SRGAP2: variants seen among roughly 807,000 people sequenced by gnomAD.
The protein encoded by SRGAP2 is SLIT-ROBO Rho GTPase activating protein 2, also known as SLIT-ROBO Rho GTPase-activating protein 2.
A neutral mutation model predicts 57.2 loss-of-function variants in SRGAP2; 15 were observed. That is an observed-to-expected ratio of 0.26 (90% CI 0.18 to 0.40). The LOEUF (loss-of-function observed/expected upper bound fraction) is 0.40. Ranked by LOEUF, SRGAP2 falls within the 10% of genes least tolerant of loss-of-function variation. SRGAP2 has a pLI of 1.00. For synonymous variants in SRGAP2, 249 were observed against 248.0 expected (o/e 1.00, Z -0.04); for missense variants, 520 against 669.6 (o/e 0.78, Z 2.47).
At chr1:206,237,798 A>T (rs1667996847) in intron 2 of SRGAP2, among the ~76,000 whole-genome samples, 1 of 128,940 alleles carries the variant, frequency 7.8e-6, no homozygotes, top group East Asian at 2.2e-4. Context: ...TATGCAACTC[A>T]GCCAGTTTAT....
At chr1:206,431,787 T>C (rs970000205) in intron 14 of SRGAP2, among the ~76,000 whole-genome samples, 3 of 152,344 alleles carry the variant, frequency 2.0e-5, no homozygotes, top group South Asian at 4.1e-4. Context: ...GAACACTGTT[T>C]GAAGCTGGTT....
At position 206,458,436 on chromosome 1, in the gene SRGAP2, G is replaced by C. The variant is rs782032635; in HGVS notation, c.2508-187G>C. The stretch of plus-strand genomic sequence containing the variant: ...TAAGTATCCATTTCTCCTTCACCCA[G>C]CTTGGGGGTGGCAAGGGAATGAAGA... On this transcript the variant is annotated intron_variant, in intron 21 of 22. Coordinates refer to ENST00000573034, the MANE Select transcript of SRGAP2 (RefSeq NM_015326.5). 1.3e-5 allele frequency: 9 copies of C among 714,322 alleles called. No homozygotes were observed. The Admixed American group carries it at 1.6e-4, about 13-fold the overall frequency. 44.2% of individuals were successfully genotyped at this position (714,322 alleles called of 1,614,324 possible).
At chr1:206,460,118 A>G (rs1553379936) in intron 22 of SRGAP2, among the ~76,000 whole-genome samples, 1 of 152,264 alleles carries the variant, frequency 6.6e-6, no homozygotes, top group Non-Finnish European at 1.5e-5. Flanking sequence ...GGTCTGTACG[A>G]CAAAGAAACC....
intron 14 of SRGAP2, among the ~76,000 whole-genome samples, chr1:206,432,677 A>G (rs1045870204): frequency 6.6e-6 from 1 of 152,224 alleles, no homozygotes; most frequent in Admixed American, 6.5e-5. Flanking sequence ...AAGAGTCTAT[A>G]TCATGTAGAA....
rs1205601629 is a variant in SRGAP2, at chr1:206,229,797, A to C, written c.67+23760A>C. Among the ~76,000 whole-genome samples, 9 of 151,760 alleles carry C rather than the reference A, an allele frequency of 5.9e-5. No homozygotes were observed. In the South Asian group the frequency reaches 1.5e-3, roughly 25 times the overall value. On this transcript the variant is annotated intron_variant, in intron 2 of 22. Coordinates refer to ENST00000573034, the MANE Select transcript of SRGAP2 (RefSeq NM_015326.5). ...AGTTTTGTTACCTCATTTATTCTCT[A>C]GGGGCAGGAATTAAGGTCTTGATGG...
intron 2 of SRGAP2, among the ~76,000 whole-genome samples, chr1:206,220,618 C>A (rs1220846775): frequency 1.3e-5 from 2 of 152,194 alleles, no homozygotes; most frequent in African/African-American, 2.4e-5. Flanking sequence ...CATCTTGTTC[C>A]AGTGACCCAA....
chr1:206,203,824 C>T, intron 1 of SRGAP2, 174 bp downstream of exon 1: 1 of 1,527,196 alleles, frequency 6.5e-7, no homozygotes, highest in Non-Finnish European at 8.8e-7. Context: ...CTCCAAATCT[C>T]CCAGTACAGC....
intron 16 of SRGAP2, among the ~76,000 whole-genome samples, chr1:206,438,515 A>G (rs1285123160): frequency 1.3e-5 from 2 of 152,256 alleles, no homozygotes; most frequent in Non-Finnish European, 2.9e-5. Flanking sequence ...TAAATGTATT[A>G]ATATGTGTTC....
Position 206,322,427 on chromosome 1 carries a change from A to T in SRGAP2, c.260+18954A>T, listed in dbSNP as rs1186367829. ...TCTCTACTAAAAAATACAAAAAAAAAAAATTAGCCGGGCGTGGTGGCAGGC... is the reference window on the plus strand; with the variant it reads ...TCTCTACTAAAAAATACAAAAAAAATAAATTAGCCGGGCGTGGTGGCAGGC... On this transcript the variant is annotated intron_variant, in intron 3 of 22. Coordinates refer to ENST00000573034, the MANE Select transcript of SRGAP2 (RefSeq NM_015326.5). Among the ~76,000 whole-genome samples, 9 of 151,776 alleles carry T rather than the reference A, an allele frequency of 5.9e-5. No homozygotes were observed. In the South Asian group the frequency reaches 6.3e-4, roughly 11 times the overall value.
chr1:206,459,733 C>A (rs929647654), intron 22 of SRGAP2, among the ~76,000 whole-genome samples: 7 of 152,180 alleles, frequency 4.6e-5, no homozygotes, highest in Non-Finnish European at 1.0e-4. Flanking sequence ...TTGAGATTCT[C>A]CTTACCCCAT....
chr1:206,267,358 A>G (rs1176511301), intron 2 of SRGAP2, among the ~76,000 whole-genome samples: 1 of 151,598 alleles, frequency 6.6e-6, no homozygotes, highest in African/African-American at 2.4e-5. Flanking sequence ...TTGGGTTGCT[A>G]TTCTGAGGTG....
At chr1:206,441,774 G>A (rs1553372155) in intron 17 of SRGAP2, among the ~76,000 whole-genome samples, 1 of 152,160 alleles carries the variant, frequency 6.6e-6, no homozygotes, top group Non-Finnish European at 1.5e-5. Flanking sequence ...TGTGGAGTAA[G>A]GGCTGTACTC....
chr1:206,237,303 A>G (rs1391680291), intron 2 of SRGAP2, among the ~76,000 whole-genome samples: 1 of 152,170 alleles, frequency 6.6e-6, no homozygotes, highest in Non-Finnish European at 1.5e-5. Flanking sequence ...GGGGGGAAAA[A>G]AAAGTGAATG....
At chr1:206,307,245 T>C (rs1180576879) in intron 3 of SRGAP2, among the ~76,000 whole-genome samples, 38 of 131,380 alleles carry the variant, frequency 2.9e-4, no homozygotes, top group African/African-American at 5.0e-4. Context: ...ACGTCCTCAC[T>C]AGAGCAGCTA....
intron 3 of SRGAP2, among the ~76,000 whole-genome samples, chr1:206,337,124 G>A (rs1208113367): frequency 6.7e-6 from 1 of 149,208 alleles, no homozygotes; most frequent in Admixed American, 6.6e-5. Context: ...ATAAGTTGCT[G>A]AAGCATCTAG....
intron 4 of SRGAP2, among the ~76,000 whole-genome samples, chr1:206,346,452 G>A (rs1260392642): frequency 2.6e-5 from 4 of 152,250 alleles, no homozygotes. Flanking sequence ...ACAAACAAAA[G>A]TGGATATAGG....
chr1:206,323,289 C>T (rs1398061576), intron 3 of SRGAP2, among the ~76,000 whole-genome samples: 2 of 152,040 alleles, frequency 1.3e-5, no homozygotes, highest in Non-Finnish European at 2.9e-5. Flanking sequence ...ACTGCCAAAC[C>T]TTTTCTCTTG....
At chr1:206,410,625 A>G (rs1311165682) in intron 10 of SRGAP2, among the ~76,000 whole-genome samples, 1 of 152,208 alleles carries the variant, frequency 6.6e-6, no homozygotes, top group East Asian at 1.9e-4. Context: ...AAGAAAATGG[A>G]AGTAGATATA....
intron 2 of SRGAP2, among the ~76,000 whole-genome samples, chr1:206,227,426 AC>A (rs1186467448): frequency 6.6e-6 from 1 of 151,940 alleles, no homozygotes; most frequent in Admixed American, 6.6e-5. Flanking sequence ...TAAGGGAAAG[AC>A]CTATTTACGC....
Sources: allele counts gnomAD v4.1 joint callset (sites outside exome capture counted in the v4.1 genomes callset), GRCh38; gene constraint gnomAD v4.1.1; transcripts MANE v1.5; gene names NCBI Gene and HGNC (gene_info 2026-07-23, HGNC 2026-07-21).